Variants in RFPL1 observed in about 807,000 individuals in gnomAD.
RFPL1 encodes ret finger protein like 1.
A neutral mutation model predicts 9.6 loss-of-function variants in RFPL1; 6 were observed. The ratio of observed to expected loss-of-function variants is 0.62; its 90% CI spans 0.34 to 1.23. The LOEUF is 1.23. Ranked by LOEUF, RFPL1 falls within the 50% of genes most tolerant of loss-of-function variation. The pLI is 0.03. For synonymous variants in RFPL1, 145 were observed against 149.4 expected (o/e 0.97, Z 0.22); for missense variants, 352 against 398.4 (o/e 0.88, Z 0.99).
At chr22:29,441,886 C>G in exon 2 of RFPL1, 2 of 1,613,210 alleles carry the variant, frequency 1.2e-6, no homozygotes. Flanking sequence ...CTTCGTAGAC[C>G]GCAAGTTACA....
chr22:29,392,007 A>T, the RFPL1 span, among the ~76,000 whole-genome samples: 1 of 152,156 alleles, frequency 6.6e-6, no homozygotes, highest in African/African-American at 2.4e-5. Flanking sequence ...GGGAGTCCAG[A>T]GCTAAAACTG....
chr22:29,417,853 G>A, the RFPL1 span, among the ~76,000 whole-genome samples: 1 of 152,096 alleles, frequency 6.6e-6, no homozygotes, highest in East Asian at 1.9e-4. Context: ...TGGGTGATGG[G>A]AACAGAGGCA....
chr22:29,390,557 A>T, the RFPL1 span, among the ~76,000 whole-genome samples: 4 of 149,620 alleles, frequency 2.7e-5, no homozygotes, highest in Admixed American at 6.6e-5. Flanking sequence ...AAATACCGTT[A>T]TCTAAATTAC....
At chr22:29,410,267 T>C in the RFPL1 span, among the ~76,000 whole-genome samples, 3 of 129,540 alleles carry the variant, frequency 2.3e-5, no homozygotes, top group Non-Finnish European at 3.2e-5. Flanking sequence ...TAGATATATA[T>C]ATCTATATAT....
chr22:29,388,006 CGTTTTCTAGT>C, the RFPL1 span, among the ~76,000 whole-genome samples: 1 of 152,154 alleles, frequency 6.6e-6, no homozygotes, highest in African/African-American at 2.4e-5. Context: ...GGCACGGGAC[CGTTTTCTAGT>C]TTTTTTTTCT....
the RFPL1 span, among the ~76,000 whole-genome samples, chr22:29,412,361 G>GC: frequency 1.1e-4 from 16 of 152,266 alleles, no homozygotes; most frequent in Middle Eastern, 3.4e-3. Flanking sequence ...ACTAGACGTA[G>GC]CCCCCCAGTT....
At chr22:29,404,561 G>T in the RFPL1 span, among the ~76,000 whole-genome samples, 1 of 152,134 alleles carries the variant, frequency 6.6e-6, no homozygotes, top group Non-Finnish European at 1.5e-5. Flanking sequence ...GTAAATTCTA[G>T]ACATGGCATA....
Position 29,441,842 on chromosome 22 carries a change from G to A in RFPL1, c.674G>A (p.Arg225His), listed in dbSNP as rs371158882. 85 of 1,613,792 alleles carry A rather than the reference G, an allele frequency of 5.3e-5. No homozygotes were observed. Among genetic ancestry groups the A allele is most frequent in the Middle Eastern group, 4.9e-4 (3 of 6,080 alleles). ...ACTGTGAGTTTGAGGGATGGAAGCC[G>A]CCTCTCTGCCAGCACGGTGCCGCTG... The change falls in exon 2 of 2, where the codon CGC becomes CAC. Residue 225 changes from arginine (R) to histidine (H), a missense_variant. Coordinates refer to ENST00000354373, the Ensembl canonical transcript of RFPL1.
the RFPL1 span, among the ~76,000 whole-genome samples, chr22:29,391,807 C>CT: frequency 5.3e-5 from 8 of 152,332 alleles, no homozygotes; most frequent in African/African-American, 1.7e-4. Flanking sequence ...AGCCAGGTGT[C>CT]TGAGTCCTGC....
At chr22:29,420,103 C>T in the RFPL1 span, among the ~76,000 whole-genome samples, 2 of 152,182 alleles carry the variant, frequency 1.3e-5, no homozygotes, top group Non-Finnish European at 2.9e-5. Flanking sequence ...TTCCTCAAAC[C>T]TCTAAGACAG....
At chr22:29,389,757 T>C in the RFPL1 span, among the ~76,000 whole-genome samples, 2 of 151,898 alleles carry the variant, frequency 1.3e-5, no homozygotes, top group Non-Finnish European at 2.9e-5. Flanking sequence ...ACTTTTAATA[T>C]TTTGGTGAAT....
chr22:29,407,204 TC>T, the RFPL1 span, among the ~76,000 whole-genome samples: 1 of 151,858 alleles, frequency 6.6e-6, no homozygotes, highest in South Asian at 2.1e-4. Context: ...AGGGGATCCT[TC>T]CACCTCAGCC....
the RFPL1 span, among the ~76,000 whole-genome samples, chr22:29,396,252 G>A: frequency 6.6e-6 from 1 of 152,172 alleles, no homozygotes; most frequent in Admixed American, 6.5e-5. Context: ...GGCCTAATGG[G>A]AGGTGTTTGG....
At chr22:29,438,572 A>C (rs2014983427), upstream of RFPL1, 10 of 1,399,486 alleles carry the variant, frequency 7.1e-6, no homozygotes, top group Non-Finnish European at 9.3e-6. Flanking sequence ...GCTGTTCCTC[A>C]CATGGGTGCT....
intron 1 of RFPL1, chr22:29,439,502 G>C (rs1222054084): frequency 3.8e-6 from 1 of 262,394 alleles, no homozygotes; most frequent in African/African-American, 2.2e-5. Context: ...GCTTGGTGGT[G>C]GGTGCCTGTA....
chr22:29,420,185 T>C, the RFPL1 span, among the ~76,000 whole-genome samples: 1 of 152,338 alleles, frequency 6.6e-6, no homozygotes, highest in South Asian at 2.1e-4. Context: ...AGCTGCTCCA[T>C]GAGAGCTCAA....
At chr22:29,395,710 C>T in the RFPL1 span, among the ~76,000 whole-genome samples, 2 of 152,054 alleles carry the variant, frequency 1.3e-5, no homozygotes, top group African/African-American at 2.4e-5. Context: ...CAGTGGCTCA[C>T]ACCTGTAATC....
chr22:29,416,711 C>T, the RFPL1 span, among the ~76,000 whole-genome samples: 1 of 152,192 alleles, frequency 6.6e-6, no homozygotes, highest in African/African-American at 2.4e-5. Flanking sequence ...ATGGAGCACA[C>T]ACCATACACC....
chr22:29,426,900 G>A, the RFPL1 span, among the ~76,000 whole-genome samples: 2 of 152,238 alleles, frequency 1.3e-5, no homozygotes, highest in African/African-American at 4.8e-5. Context: ...GACATCGAGA[G>A]AGGAGTCTGG....
Sources: allele counts gnomAD v4.1 joint callset (sites outside exome capture counted in the v4.1 genomes callset), GRCh38; gene constraint gnomAD v4.1.1; transcripts MANE v1.5; gene names NCBI Gene and HGNC (gene_info 2026-07-23, HGNC 2026-07-21).